RIPK4: variants seen among roughly 807,000 people sequenced by gnomAD.
The protein encoded by RIPK4 is receptor interacting serine/threonine kinase 4, also known as receptor-interacting serine/threonine-protein kinase 4.
In RIPK4, 17 loss-of-function variants were observed where a neutral mutation model predicts 42.9. The observed-to-expected ratio is 0.40, with a 90% CI of 0.27 to 0.59. RIPK4 has a LOEUF of 0.59. RIPK4 is among the 20% of genes least tolerant of loss of function. The pLI is 0.47. For missense variants in RIPK4, 897 were observed against 1,104.4 expected (o/e 0.81, Z 2.66); for synonymous variants, 498 against 499.1 (o/e 1.00, Z 0.03).
chr21:41,761,978 C>T (rs902451494), intron 1 of RIPK4, among the ~76,000 whole-genome samples: 1 of 152,110 alleles, frequency 6.6e-6, no homozygotes, highest in African/African-American at 2.4e-5. Context: ...AGAACGGAGA[C>T]CCCATTTACC....
chr21:41,743,897 C>G lies in RIPK4; in HGVS notation c.1180G>C (p.Glu394Gln), dbSNP rs772576388. ...RGSLSLSFER[E>Q]PSTSDLGTTD... Reference sequence around the variant, plus strand: ...CCCCACTCACCGCTGGTTGAAGGTTCCCGCTCAAAGGACAGCGACAGTGAT... The same window carrying G: ...CCCCACTCACCGCTGGTTGAAGGTTGCCGCTCAAAGGACAGCGACAGTGAT... Residue 394 changes from glutamate (E) to glutamine (Q), a missense_variant, in exon 7 of 8, where the codon GAA (glutamate) becomes CAA (glutamine). Glu to Gln is a conservative substitution (Grantham distance 29). Transcript: ENST00000332512. 1 of 1,603,958 alleles carries G rather than the reference C, an allele frequency of 6.2e-7. No homozygotes were observed. Among genetic ancestry groups the G allele is most frequent in the Non-Finnish European group, 8.5e-7 (1 of 1,174,442 alleles).
rs892411662 is a variant in RIPK4 at position 41,740,699 on chromosome 21, G to C, written c.*139C>G. 6 of 873,066 alleles carry C rather than the reference G, an allele frequency of 6.9e-6. No homozygotes were observed. In the Admixed American group the frequency reaches 1.5e-4, roughly 22 times the overall value. The allele number at this position is 873,066 out of a possible 1,614,324, so 54.1% of individuals were successfully genotyped here. ...CTCCGGTCAGCAGCAGCCGCCTCCT[G>C]ATGGCACCATGTCACCTCTGCTTGG... On this transcript the variant is annotated 3_prime_UTR_variant, in exon 8 of 8. Transcript: ENST00000332512.
At position 41,764,247 on chromosome 21, in the gene RIPK4, G is replaced by C. The variant is rs139074954; in HGVS notation, c.182+2613C>G. On this transcript the variant is annotated intron_variant, in intron 1 of 7. Coordinates refer to ENST00000332512, the MANE Select transcript of RIPK4 (RefSeq NM_020639.3). ...AAACAAGCCCCGAGCAGGTGCTGTG[G>C]CCAAGGGCCGGCTGAAGGCCTGGCC... 5.0e-3 allele frequency among the ~76,000 whole-genome samples: 757 copies of C among 152,334 alleles called. 5 individuals are homozygous for C. The highest frequency in any genetic ancestry group is 0.016 in the African/African-American group (681 of 41,568).
At chr21:41,746,500 C>T (rs1202480918) in intron 5 of RIPK4, 113 bp downstream of exon 5, 2 of 1,319,238 alleles carry the variant, frequency 1.5e-6, no homozygotes, top group African/African-American at 2.9e-5. Flanking sequence ...TTTCGGCCCA[C>T]CTGTTACACG....
At chr21:41,763,296 GCGAGAAATA>G (rs71332337) in intron 1 of RIPK4, among the ~76,000 whole-genome samples, 2,778 of 152,194 alleles carry the variant, frequency 0.018, 39 homozygotes, top group South Asian at 0.06. Flanking sequence ...CAATGGAGTA[GCGAGAAATA>G]CGAGAAATAT....
intron 2 of RIPK4, among the ~76,000 whole-genome samples, chr21:41,754,862 G>C (rs1231537811): frequency 6.6e-6 from 1 of 152,186 alleles, no homozygotes; most frequent in African/African-American, 2.4e-5. Context: ...GGAAATCAAG[G>C]TCTCTGCTCC....
rs780011874 is a variant in RIPK4 at position 41,767,049 on chromosome 21, G to A, written c.-8C>T. Reference sequence around the variant, plus strand: ...CCCGCCGTCGCCCTCCATCGCGCACGTCTAGCCAGCGCCGCGGCGGCTGCC... The same window carrying A: ...CCCGCCGTCGCCCTCCATCGCGCACATCTAGCCAGCGCCGCGGCGGCTGCC... On this transcript the variant is annotated 5_prime_UTR_variant, in exon 1 of 8. The change creates a new upstream start codon in the 5' untranslated region. Coordinates refer to ENST00000332512, the MANE Select transcript of RIPK4 (RefSeq NM_020639.3). The surrounding 1 kb of genome is among the most constrained non-coding windows in gnomAD (Gnocchi z 4.0). 31 of 1,540,204 alleles carry A rather than the reference G, an allele frequency of 2.0e-5. No homozygotes were observed. The highest frequency in any genetic ancestry group is 1.7e-4 in the Admixed American group (8 of 47,662).
At chr21:41,748,207 G>T (rs941134641) in intron 4 of RIPK4, among the ~76,000 whole-genome samples, 1 of 152,222 alleles carries the variant, frequency 6.6e-6, no homozygotes, top group African/African-American at 2.4e-5. Context: ...AAGCTGCCAA[G>T]ATACTTGATC....
In RIPK4 at chr21:41,742,370, G is replaced by A. The variant is rs908646811; in HGVS notation, c.1196-373C>T. ...AAAGACCAGGCCAGAGCTCCCATTC[G>A]CCTGGAAGCCTTGGCACCTGCCACC... On this transcript the variant is annotated intron_variant, in intron 7 of 7. Transcript: ENST00000332512. This position sits in a 1 kb window ranked among gnomAD's most constrained non-coding sequence, Gnocchi z 5.1. Among the ~76,000 whole-genome samples the A allele has an allele frequency of 3.3e-5, 5 of 152,182 alleles. No homozygotes were observed. The highest frequency in any genetic ancestry group is 3.2e-3 in the Middle Eastern group (1 of 314).
Position 41,744,041 on chromosome 21 carries a change from C to T in RIPK4, c.1036G>A (p.Ala346Thr), listed in dbSNP as rs752001449. ...CTGAGCTCCTCGGGGCCCTCGACAG[C>T]CTGGGAAACTCCAGAGTCCAGCTGT... Reference protein sequence around the residue: ...LSQLDSGVSQAVEGPEELSRS... With the variant: ...LSQLDSGVSQTVEGPEELSRS... The change falls in exon 7 of 8, where the codon GCT becomes ACT. Residue 346 changes from alanine to threonine, a missense_variant. Coordinates refer to ENST00000332512, the MANE Select transcript of RIPK4 (RefSeq NM_020639.3). The T allele has an allele frequency of 1.2e-6, 2 of 1,613,096 alleles. No individual in the cohort carries two copies. The highest frequency in any genetic ancestry group is 1.7e-6 in the Non-Finnish European group (2 of 1,179,956).
In RIPK4 at chr21:41,740,132, G is replaced by C. The variant is rs1003714220; in HGVS notation, c.*706C>G. 4 of 152,176 alleles carry C rather than the reference G, an allele frequency of 2.6e-5. No individual in the cohort carries two copies. Among genetic ancestry groups the C allele is most frequent in the African/African-American group, 9.7e-5 (4 of 41,424 alleles). The allele number at this position is 152,176 out of a possible 1,614,324, so 9.4% of individuals were successfully genotyped here. On this transcript the variant is annotated 3_prime_UTR_variant, in exon 8 of 8. Coordinates refer to ENST00000332512, the MANE Select transcript of RIPK4 (RefSeq NM_020639.3). Reference sequence around the variant, plus strand: ...ACGGCAGCTAGTACCATGTGGGCACGTGTGTGTGGTTGTCCACAAGGACTC... The same window carrying C: ...ACGGCAGCTAGTACCATGTGGGCACCTGTGTGTGGTTGTCCACAAGGACTC...
At chr21:41,758,021 AATATAT>A (rs1195745927) in intron 1 of RIPK4, among the ~76,000 whole-genome samples, 28 of 51,358 alleles carry the variant, frequency 5.5e-4, no homozygotes, top group African/African-American at 3.0e-3. Context: ...AAAAAAAAAA[AATATAT>A]ATATATATAT....
intron 2 of RIPK4, among the ~76,000 whole-genome samples, chr21:41,752,450 C>T (rs913293972): frequency 3.3e-5 from 5 of 151,958 alleles, no homozygotes; most frequent in East Asian, 1.9e-4. Flanking sequence ...GGAAGGCCTG[C>T]GAGCAGGGAC....
At chr21:41,749,979 C>T (rs1165380872) in intron 3 of RIPK4, among the ~76,000 whole-genome samples, 1 of 150,792 alleles carries the variant, frequency 6.6e-6, no homozygotes, top group Non-Finnish European at 1.5e-5. Flanking sequence ...TGTTTATAGA[C>T]AACGAATTCA....
chr21:41,756,910 G>T, intron 1 of RIPK4, 94 bp from the exon 2 acceptor site: 1 of 1,368,822 alleles, frequency 7.3e-7, no homozygotes, highest in Non-Finnish European at 9.9e-7. Context: ...GCTCCAGAGG[G>T]CTGAGCAAAT....
chr21:41,764,161 GC>G (rs1451743041), intron 1 of RIPK4, among the ~76,000 whole-genome samples: 1 of 152,182 alleles, frequency 6.6e-6, no homozygotes, highest in African/African-American at 2.4e-5. Context: ...GGGCTGGGCG[GC>G]CCCCCAACCT....
chr21:41,742,752 C>A lies in RIPK4; in HGVS notation c.1196-755G>T, dbSNP rs2061158585. Reference sequence around the variant, plus strand: ...GTCAGGCTTGGTGTCTGAACACTGGCACTCCAAGTGGAGCCAGTGAAGTAA... The same window carrying A: ...GTCAGGCTTGGTGTCTGAACACTGGAACTCCAAGTGGAGCCAGTGAAGTAA... On this transcript the variant is annotated intron_variant, in intron 7 of 7. Coordinates refer to ENST00000332512, the MANE Select transcript of RIPK4 (RefSeq NM_020639.3). The surrounding 1 kb of genome is among the most constrained non-coding windows in gnomAD (Gnocchi z 5.1). 6.6e-6 allele frequency among the ~76,000 whole-genome samples: 1 copy of A among 152,166 alleles called. No individual in the cohort carries two copies. Among genetic ancestry groups the A allele is most frequent in the South Asian group, 2.1e-4 (1 of 4,828 alleles).
chr21:41,743,838 G>A (rs368765433), intron 7 of RIPK4, 44 bp downstream of exon 7: 25 of 1,537,074 alleles, frequency 1.6e-5, no homozygotes, highest in Middle Eastern at 1.8e-4. Flanking sequence ...CCACTGTCCC[G>A]CCAAGCCCAG....
At chr21:41,750,797 A>T (rs749877330) in intron 3 of RIPK4, among the ~76,000 whole-genome samples, 11 of 152,098 alleles carry the variant, frequency 7.2e-5, no homozygotes, top group Non-Finnish European at 1.5e-4. Context: ...CCCCAACCTC[A>T]GTCCCGAGTA....
Sources: gnomAD v4.1 joint callset for allele counts (sites outside exome capture counted in the v4.1 genomes callset) on GRCh38, gnomAD v4.1.1 for gene constraint, Gnocchi (gnomAD v3.1) non-coding constraint, MANE v1.5 for transcripts, NCBI Gene and HGNC (gene_info 2026-07-23, HGNC 2026-07-21) for gene names.